MRC1: variants seen among roughly 807,000 people sequenced by gnomAD.
The protein encoded by MRC1 is macrophage mannose receptor 1.
A neutral mutation model predicts 102.9 loss-of-function variants in MRC1; 62 were observed. The ratio of observed to expected loss-of-function variants is 0.60; its 90% CI spans 0.49 to 0.74. The LOEUF (loss-of-function observed/expected upper bound fraction) is 0.74, where lower values mean the gene tolerates loss of function less well. Among genes scored for constraint, MRC1 ranks in the 30% least tolerant of loss-of-function variants. The pLI is 0.00. For synonymous variants in MRC1, 457 were observed against 298.4 expected (o/e 1.53, Z -5.48); for missense variants, 1,237 against 862.8 (o/e 1.43, Z -5.43).
At chr10:17,851,384 T>C (rs1472718535) in intron 7 of MRC1, among the ~76,000 whole-genome samples, 1 of 152,120 alleles carries the variant, frequency 6.6e-6, no homozygotes, top group Non-Finnish European at 1.5e-5. Flanking sequence ...CTAGAAATTT[T>C]TTTTTACATA....
chr10:17,873,960 T>A, intron 16 of MRC1, 135 bp downstream of exon 16: 1 of 702,640 alleles, frequency 1.4e-6, no homozygotes. Flanking sequence ...GAGAACGTCA[T>A]GGAAATTTGG....
At chr10:17,833,562 G>GA in intron 3 of MRC1, 113 bp from the exon 4 acceptor site, 1 of 726,124 alleles carries the variant, frequency 1.4e-6, no homozygotes, top group Non-Finnish European at 2.5e-6. Flanking sequence ...AAAAAGAAAG[G>GA]AAAGAAAGAA....
chr10:17,872,400 C>T (rs1224822792), intron 15 of MRC1, among the ~76,000 whole-genome samples: 1 of 152,156 alleles, frequency 6.6e-6, no homozygotes, highest in East Asian at 1.9e-4. Flanking sequence ...GCCCAGGTTC[C>T]ATAGCAGTAG....
chr10:17,854,393 G>A (rs1833046452), intron 8 of MRC1, among the ~76,000 whole-genome samples: 1 of 152,052 alleles, frequency 6.6e-6, no homozygotes, highest in Admixed American at 6.5e-5. Flanking sequence ...TTATTGTGAT[G>A]GATTGAAAGT....
chr10:17,842,057 G>A (rs1283560538), intron 5 of MRC1, among the ~76,000 whole-genome samples: 3 of 152,158 alleles, frequency 2.0e-5, no homozygotes, highest in African/African-American at 7.2e-5. Flanking sequence ...CAGCCTTCCT[G>A]GCTCAAGTCA....
intron 4 of MRC1, among the ~76,000 whole-genome samples, chr10:17,838,862 A>G (rs1838709183): frequency 2.0e-5 from 3 of 152,220 alleles, no homozygotes; most frequent in African/African-American, 7.2e-5. Flanking sequence ...AAACAACAAA[A>G]ATTTAGCATG....
chr10:17,827,856 G>T (rs2130600854), intron 3 of MRC1, 141 bp downstream of exon 3: 1 of 667,754 alleles, frequency 1.5e-6, no homozygotes, highest in East Asian at 2.5e-5. Context: ...GCCCTTTACA[G>T]ACGTTATTAT....
At position 17,861,409 on chromosome 10, in the gene MRC1, A is replaced by T. The variant is rs1833182404; in HGVS notation, c.1541A>T (p.Tyr514Phe). 1.1e-6 allele frequency: 1 copy of T among 872,514 alleles called. No homozygotes were observed. The allele number at this position is 872,514 out of a possible 1,614,324, so 54.0% of individuals were successfully genotyped here. ...CRKGWKKHHF[Y>F]CYMIGHTLST... ...TAGGGCTGGAAAAAACATCACTTTT[A>T]CTGCTATATGATTGGACATACGCTT... The change falls in exon 10 of 30, where the codon TAC (tyrosine) becomes TTC (phenylalanine). Residue 514 changes from tyrosine (Y) to phenylalanine (F), a missense_variant. Coordinates refer to ENST00000569591, the MANE Select transcript of MRC1 (RefSeq NM_002438.4).
intron 24 of MRC1, among the ~76,000 whole-genome samples, chr10:17,900,512 G>A (rs1160207363): frequency 3.3e-5 from 5 of 151,970 alleles, no homozygotes; most frequent in African/African-American, 9.7e-5. Flanking sequence ...GGAGTTTCAC[G>A]GAATAAGAGA....
At chr10:17,872,847 T>G (rs1347296220) in intron 15 of MRC1, among the ~76,000 whole-genome samples, 1 of 152,134 alleles carries the variant, frequency 6.6e-6, no homozygotes, top group Non-Finnish European at 1.5e-5. Context: ...AAAATATACA[T>G]CAATACCTCC....
At chr10:17,867,176 T>C (rs1246157275) in intron 12 of MRC1, among the ~76,000 whole-genome samples, 1 of 144,416 alleles carries the variant, frequency 6.9e-6, no homozygotes, top group African/African-American at 2.5e-5. Context: ...CCTTCCTCCT[T>C]TCCATCTTTT....
chr10:17,907,264 A>G (rs1223217796), intron 27 of MRC1, among the ~76,000 whole-genome samples: 1 of 152,222 alleles, frequency 6.6e-6, no homozygotes, highest in Admixed American at 6.5e-5. Context: ...TCGTGGGGCC[A>G]GGAAAAAAAT....
intron 4 of MRC1, among the ~76,000 whole-genome samples, chr10:17,839,623 C>T (rs1251358652): frequency 6.6e-5 from 10 of 151,836 alleles, no homozygotes; most frequent in Middle Eastern, 3.4e-3. Flanking sequence ...AACCTGAGCA[C>T]CATAGTGAGA....
At chr10:17,833,266 A>G (rs1838606888) in intron 3 of MRC1, among the ~76,000 whole-genome samples, 1 of 152,098 alleles carries the variant, frequency 6.6e-6, no homozygotes, top group African/African-American at 2.4e-5. Flanking sequence ...CACCTTTGTA[A>G]TCCCAGCACT....
Position 17,863,643 on chromosome 10 carries a change from G to A in MRC1, c.1744G>A (p.Glu582Lys), listed in dbSNP as rs1833218314. The change falls in exon 11 of 30, where the codon GAA (glutamate) becomes AAA (lysine). Residue 582 changes from glutamate to lysine, a missense_variant. Physicochemically the swap from Glu to Lys is moderately conservative, Grantham distance 56. Coordinates refer to ENST00000569591, the MANE Select transcript of MRC1 (RefSeq NM_002438.4). Reference protein sequence around the residue: ...TKGTFQWTIEEEVRFTHWNSD... With the variant: ...TKGTFQWTIEKEVRFTHWNSD... ...AGGGACTTTTCAGTGGACCATCGAGGAAGAGGTTCGGTTCACCCACTGGAA... is the reference window on the plus strand; with the variant it reads ...AGGGACTTTTCAGTGGACCATCGAGAAAGAGGTTCGGTTCACCCACTGGAA... 2 of 780,866 alleles carry A rather than the reference G, an allele frequency of 2.6e-6. No individual in the cohort carries two copies. The highest frequency in any genetic ancestry group is 1.7e-5 in the Admixed American group (1 of 59,044). The allele number at this position is 780,866 out of a possible 1,614,324, so 48.4% of individuals were successfully genotyped here.
intron 21 of MRC1, among the ~76,000 whole-genome samples, chr10:17,882,755 TCAAAC>T (rs1318802257): frequency 6.6e-6 from 1 of 151,334 alleles, no homozygotes; most frequent in Non-Finnish European, 1.5e-5. Flanking sequence ...AAGAAAAGGG[TCAAAC>T]CAAAGCACAC....
At chr10:17,889,971 C>CT (rs1215496154) in intron 22 of MRC1, among the ~76,000 whole-genome samples, 2 of 152,008 alleles carry the variant, frequency 1.3e-5, no homozygotes, top group Non-Finnish European at 2.9e-5. Flanking sequence ...AATTTTCCTT[C>CT]TTTTTTCCTT....
At chr10:17,842,915 G>A (rs1838772322) in intron 5 of MRC1, among the ~76,000 whole-genome samples, 2 of 152,178 alleles carry the variant, frequency 1.3e-5, no homozygotes, top group Admixed American at 6.5e-5. Context: ...ATCACCTTGC[G>A]AAATAGTATG....
chr10:17,850,985 G>A (rs892164617), intron 7 of MRC1, among the ~76,000 whole-genome samples: 1 of 152,078 alleles, frequency 6.6e-6, no homozygotes, highest in African/African-American at 2.4e-5. Flanking sequence ...ACTTATCCTG[G>A]AAAATTCACA....
Sources: gnomAD v4.1 joint callset for allele counts (sites outside exome capture counted in the v4.1 genomes callset) on GRCh38, gnomAD v4.1.1 for gene constraint, MANE v1.5 for transcripts, NCBI Gene and HGNC (gene_info 2026-07-23, HGNC 2026-07-21) for gene names.